Variants in RABGAP1L observed in about 807,000 individuals in gnomAD.
RABGAP1L encodes the protein RAB GTPase activating protein 1 like.
In RABGAP1L, 63 loss-of-function variants were observed where a neutral mutation model predicts 137.7. That is an observed-to-expected ratio of 0.46 (90% CI 0.37 to 0.56). The LOEUF (loss-of-function observed/expected upper bound fraction) is 0.56, where lower values mean the gene tolerates loss of function less well. RABGAP1L is among the 20% of genes least tolerant of loss of function. The probability of loss-of-function intolerance (pLI) is 0.00; values close to 1 mark genes in which losing one functional copy is unlikely to be tolerated. For synonymous variants in RABGAP1L, 431 were observed against 433.7 expected, an observed-to-expected ratio of 0.99 and a Z score of 0.08; for missense variants, 1,095 against 1,244.0, an observed-to-expected ratio of 0.88 and a Z score of 1.80.
intron 11 of RABGAP1L, among the ~76,000 whole-genome samples, chr1:174,330,747 T>A (rs1261360378): frequency 1.3e-5 from 2 of 152,190 alleles, no homozygotes; most frequent in Non-Finnish European, 2.9e-5. Flanking sequence ...TTAATATTTT[T>A]AAAATGTCTA....
chr1:174,898,730 A>G (rs1452108502), intron 19 of RABGAP1L, among the ~76,000 whole-genome samples: 1 of 152,230 alleles, frequency 6.6e-6, no homozygotes, highest in Non-Finnish European at 1.5e-5. Context: ...CAGTGACTGT[A>G]TAGCATGTTA....
At chr1:174,634,275 A>T (rs1488535078) in intron 13 of RABGAP1L, among the ~76,000 whole-genome samples, 1 of 125,406 alleles carries the variant, frequency 8.0e-6, no homozygotes. Context: ...CAAAAAACAC[A>T]TGAAAAAATG....
At position 174,219,315 on chromosome 1, in the gene RABGAP1L, A is replaced by G. The variant is rs758758188; in HGVS notation, c.138+20A>G. On this transcript the variant is annotated intron_variant, in intron 2 of 25. Coordinates refer to ENST00000681986, the MANE Select transcript of RABGAP1L (RefSeq NM_001366446.1). Reference sequence around the variant, plus strand: ...CTGAAGGTATTTTTTTCTTTTCTACATATGGTATAATTTTTAATTAAAAAC... The same window carrying G: ...CTGAAGGTATTTTTTTCTTTTCTACGTATGGTATAATTTTTAATTAAAAAC... 9.6e-6 allele frequency: 14 copies of G among 1,462,696 alleles called. No homozygotes were observed. Among genetic ancestry groups the G allele is most frequent in the Admixed American group, 2.3e-5 (1 of 43,356 alleles). The allele number at this position is 1,462,696 out of a possible 1,614,324, so 90.6% of individuals were successfully genotyped here. A position where few individuals can be genotyped will look rare whatever the true frequency, so the allele number is the denominator to read the frequency against.
intron 13 of RABGAP1L, among the ~76,000 whole-genome samples, chr1:174,433,685 C>T (rs919222200): frequency 6.6e-6 from 1 of 152,164 alleles, no homozygotes; most frequent in Non-Finnish European, 1.5e-5. Context: ...AAAGTATGTG[C>T]AGGCTGGATA....
At chr1:174,320,369 T>C (rs1423351199) in intron 11 of RABGAP1L, among the ~76,000 whole-genome samples, 2 of 152,346 alleles carry the variant, frequency 1.3e-5, no homozygotes, top group Non-Finnish European at 2.9e-5. Context: ...CTGGCTTCTT[T>C]ACGTAGCATA....
chr1:174,955,746 T>C (rs904133187), intron 19 of RABGAP1L, among the ~76,000 whole-genome samples: 1 of 152,158 alleles, frequency 6.6e-6, no homozygotes, highest in Non-Finnish European at 1.5e-5. Context: ...ACGTTTGTAA[T>C]CTTAAACCAA....
At chr1:174,272,584 CT>C in intron 8 of RABGAP1L, 104 bp downstream of exon 8, 1 of 1,342,494 alleles carries the variant, frequency 7.4e-7, no homozygotes, top group Non-Finnish European at 9.7e-7. Flanking sequence ...AAAATTATTT[CT>C]TGCAGCTGTG....
chr1:174,916,535 T>G (rs1490825888), intron 19 of RABGAP1L, among the ~76,000 whole-genome samples: 1 of 152,188 alleles, frequency 6.6e-6, no homozygotes, highest in Non-Finnish European at 1.5e-5. Context: ...AAATATGAAG[T>G]TTTTTTGTAT....
chr1:174,901,117 T>A (rs1658071924), intron 19 of RABGAP1L, among the ~76,000 whole-genome samples: 1 of 152,218 alleles, frequency 6.6e-6, no homozygotes, highest in South Asian at 2.1e-4. Context: ...ATTGTGAAGT[T>A]CTCATGTTGT....
At position 174,640,746 on chromosome 1, in the gene RABGAP1L, A is replaced by G. The variant is rs431179; in HGVS notation, c.1824+3258A>G. ...CTTTACCAATCCTTATTCTTTTTCT[A>G]TTTGTCTCTTGTCTTATTGCACTGA... On this transcript the variant is annotated intron_variant, in intron 14 of 25. Coordinates refer to ENST00000681986, the MANE Select transcript of RABGAP1L (RefSeq NM_001366446.1). Among the ~76,000 whole-genome samples, 432 of 151,480 alleles carry G rather than the reference A, an allele frequency of 2.9e-3. 4 individuals are homozygous for G. The highest frequency in any genetic ancestry group is 9.9e-3 in the African/African-American group (410 of 41,336).
intron 19 of RABGAP1L, chr1:174,896,996 T>A (rs1432549763): frequency 6.6e-6 from 1 of 152,208 alleles, no homozygotes; most frequent in Non-Finnish European, 1.5e-5. Context: ...GGTAGCTTGA[T>A]GGGGATGGCA....
At chr1:174,680,948 A>G (rs1678020309) in intron 14 of RABGAP1L, among the ~76,000 whole-genome samples, 1 of 152,194 alleles carries the variant, frequency 6.6e-6, no homozygotes, top group Non-Finnish European at 1.5e-5. Context: ...AACAATCACA[A>G]AAGAATATGT....
intron 14 of RABGAP1L, among the ~76,000 whole-genome samples, chr1:174,659,281 T>G (rs937762206): frequency 6.6e-6 from 1 of 152,104 alleles, no homozygotes; most frequent in Admixed American, 6.5e-5. Context: ...CTATAGTTGC[T>G]GTTACTGATT....
At position 174,586,969 on chromosome 1, in the gene RABGAP1L, A is replaced by G. The variant is rs549203828; in HGVS notation, c.1711-50406A>G. Among the ~76,000 whole-genome samples, 68 of 151,872 alleles carry G rather than the reference A, an allele frequency of 4.5e-4. No individual in the cohort carries two copies. In the South Asian group the frequency reaches 5.0e-3, roughly 11 times the overall value. Reference sequence around the variant, plus strand: ...TGTGTCCATGTGTTCTCATTGTTCAATTCCCACCTATGAGTGAGAATATGC... The same window carrying G: ...TGTGTCCATGTGTTCTCATTGTTCAGTTCCCACCTATGAGTGAGAATATGC... On this transcript the variant is annotated intron_variant, in intron 13 of 25. Coordinates refer to ENST00000681986, the MANE Select transcript of RABGAP1L (RefSeq NM_001366446.1).
intron 13 of RABGAP1L, among the ~76,000 whole-genome samples, chr1:174,599,969 GT>G (rs1157263447): frequency 6.6e-6 from 1 of 152,046 alleles, no homozygotes; most frequent in African/African-American, 2.4e-5. Context: ...GTATTAGTCT[GT>G]TTTCATGCTG....
chr1:174,642,764 T>G (rs1436042058), intron 14 of RABGAP1L, among the ~76,000 whole-genome samples: 2 of 103,142 alleles, frequency 1.9e-5, no homozygotes, highest in African/African-American at 8.1e-5. Context: ...TCTTCCCCTC[T>G]CTCCCTCTCC....
At chr1:174,868,121 A>AT (rs1011707008) in intron 19 of RABGAP1L, among the ~76,000 whole-genome samples, 5 of 150,056 alleles carry the variant, frequency 3.3e-5, no homozygotes, top group Non-Finnish European at 5.9e-5. Context: ...TGACCAGCTA[A>AT]TTTTTTTTTG....
At chr1:174,418,324 T>C (rs530221638) in intron 13 of RABGAP1L, among the ~76,000 whole-genome samples, 6 of 152,234 alleles carry the variant, frequency 3.9e-5, no homozygotes, top group Non-Finnish European at 8.8e-5. Flanking sequence ...TGGAACTCAA[T>C]GTAGAATGAT....
intron 4 of RABGAP1L, among the ~76,000 whole-genome samples, chr1:174,239,282 T>G (rs1344390583): frequency 1.3e-5 from 2 of 152,200 alleles, no homozygotes; most frequent in Non-Finnish European, 2.9e-5. Context: ...TCGGCCATCT[T>G]GGCTCCTCTT....
Sources: gnomAD v4.1 joint callset for allele counts (sites outside exome capture counted in the v4.1 genomes callset) on GRCh38, gnomAD v4.1.1 for gene constraint, MANE v1.5 for transcripts, NCBI Gene and HGNC (gene_info 2026-07-23, HGNC 2026-07-21) for gene names.